The following PCDHA4 variants were observed in gnomAD, a reference collection of about 807,000 sequenced individuals.
PCDHA4 encodes protocadherin alpha-4.
A neutral mutation model predicts 61.4 loss-of-function variants in PCDHA4; 49 were observed. That is an observed-to-expected ratio of 0.80 (90% CI 0.63 to 1.01). PCDHA4 has a LOEUF of 1.01. Ranked by LOEUF, PCDHA4 falls within the 50% of genes least tolerant of loss-of-function variation. The pLI, the probability that PCDHA4 is intolerant of heterozygous loss-of-function variation, is 0.00. For synonymous variants in PCDHA4, 590 were observed against 550.3 expected, an observed-to-expected ratio of 1.07 and a Z score of -1.01; for missense variants, 1,254 against 1,235.8, an observed-to-expected ratio of 1.01 and a Z score of -0.22.
At chr5:140,863,208 C>A in intron 1 of PCDHA4, 2 of 990,672 alleles carry the variant, frequency 2.0e-6, no homozygotes, top group Non-Finnish European at 3.1e-6. Flanking sequence ...TGGCGGAGAG[C>A]AGCCAAGCGA....
At chr5:140,887,692 A>G (rs886236141) in intron 1 of PCDHA4, among the ~76,000 whole-genome samples, 1 of 152,126 alleles carries the variant, frequency 6.6e-6, no homozygotes, top group Non-Finnish European at 1.5e-5. Flanking sequence ...ATTCAGGAAA[A>G]AATCAACCAT....
chr5:140,949,537 C>T (rs1359504503), intron 1 of PCDHA4, among the ~76,000 whole-genome samples: 4 of 151,692 alleles, frequency 2.6e-5, no homozygotes, highest in African/African-American at 7.3e-5. Context: ...CATAAAATAT[C>T]GATTTGTTGC....
At chr5:140,896,661 G>A (rs553525837) in intron 1 of PCDHA4, among the ~76,000 whole-genome samples, 1 of 152,220 alleles carries the variant, frequency 6.6e-6, no homozygotes. Context: ...ACAGGCATGA[G>A]TCACTGTGCC....
chr5:140,828,508 A>G (rs2150156206), intron 1 of PCDHA4: 4 of 1,614,216 alleles, frequency 2.5e-6, no homozygotes, highest in Non-Finnish European at 3.4e-6. Flanking sequence ...AGGAACAAAG[A>G]GTGCTGATTT....
chr5:140,876,029 A>C, intron 1 of PCDHA4: 1 of 1,613,700 alleles, frequency 6.2e-7, no homozygotes, highest in Non-Finnish European at 8.5e-7. Context: ...AAAACAAAAA[A>C]AGATAAAAGT....
At chr5:140,850,520 G>T (rs782515896) in intron 1 of PCDHA4, 3 of 1,598,186 alleles carry the variant, frequency 1.9e-6, no homozygotes, top group South Asian at 1.1e-5. Context: ...GCGGCCAGGC[G>T]CCAAAGTCAT....
chr5:140,944,097 A>G lies in PCDHA4; in HGVS notation c.2386-34852A>G, dbSNP rs2093609741. On this transcript the variant is annotated intron_variant, in intron 1 of 3. Coordinates refer to ENST00000530339, the MANE Select transcript of PCDHA4 (RefSeq NM_018907.4). ...ATAAAGGAGGCCTGAGTAAGTTTAT[A>G]TCTCATGGGAAAATGGTACCAGAGA... is the stretch of plus-strand genomic sequence containing the variant. Among the ~76,000 whole-genome samples, 3 of 152,244 alleles carry G rather than the reference A, an allele frequency of 2.0e-5. No individual in the cohort carries two copies. In the South Asian group the frequency reaches 6.2e-4, roughly 31 times the overall value.
rs782647258 is a variant in PCDHA4 at position 140,869,948 on chromosome 5, T to A, written c.2385+60376T>A. The A allele has an allele frequency of 3.7e-6, 6 of 1,612,586 alleles. No individual in the cohort carries two copies. The South Asian group carries it at 5.5e-5, about 15-fold the overall frequency. ...AATGGAGAGGTAACATACTCCTTAA[T>A]GTCAATTAAGCCCAATGGAAGACAC... On this transcript the variant is annotated intron_variant, in intron 1 of 3. Coordinates refer to ENST00000530339, the MANE Select transcript of PCDHA4 (RefSeq NM_018907.4).
intron 1 of PCDHA4, chr5:140,810,885 C>T (rs1282140445): frequency 2.6e-5 from 4 of 152,064 alleles, no homozygotes; most frequent in African/African-American, 9.7e-5. Flanking sequence ...GATCCTATTT[C>T]ACAAAGATAA....
At chr5:140,850,426 G>A (rs2150483795) in intron 1 of PCDHA4, 1 of 1,597,836 alleles carries the variant, frequency 6.3e-7, no homozygotes, top group Non-Finnish European at 8.6e-7. Flanking sequence ...GACGCACCGC[G>A]CCAGCGCCTA....
rs782716439 is a variant in PCDHA4, at chr5:140,858,074, A to C, written c.2385+48502A>C. The stretch of plus-strand genomic sequence containing the variant: ...GCTTGTGGAGGGCAGCCAGGCACCC[A>C]AGGCCTCGTCGCGGGCTTCAGTGGG... On this transcript the variant is annotated intron_variant, in intron 1 of 3. Coordinates refer to ENST00000530339, the MANE Select transcript of PCDHA4 (RefSeq NM_018907.4). 3 of 1,597,526 alleles carry C rather than the reference A, an allele frequency of 1.9e-6. No homozygotes were observed. The African/African-American group carries it at 4.0e-5, about 21-fold the overall frequency.
intron 1 of PCDHA4, chr5:140,866,443 C>T (rs974368547): frequency 2.0e-5 from 3 of 151,700 alleles, no homozygotes; most frequent in Non-Finnish European, 2.9e-5. Flanking sequence ...CTTCTTCAGT[C>T]TTATTGTTGG....
intron 1 of PCDHA4, among the ~76,000 whole-genome samples, chr5:140,898,963 G>A (rs1411271866): frequency 6.6e-6 from 1 of 152,070 alleles, no homozygotes; most frequent in Non-Finnish European, 1.5e-5. Context: ...TTGTGAATGG[G>A]AGTTCACTCA....
intron 1 of PCDHA4, chr5:140,828,638 A>G: frequency 6.2e-7 from 1 of 1,614,228 alleles, no homozygotes; most frequent in Non-Finnish European, 8.5e-7. Flanking sequence ...GCTAGATGTG[A>G]AAATAAACAG....
chr5:140,962,008 C>T (rs1363169601), intron 1 of PCDHA4, among the ~76,000 whole-genome samples: 5 of 152,088 alleles, frequency 3.3e-5, no homozygotes, highest in South Asian at 2.1e-4. Context: ...CTCAGCTTCC[C>T]GAGTAGCTGG....
intron 1 of PCDHA4, among the ~76,000 whole-genome samples, chr5:140,937,317 G>A (rs1282380622): frequency 1.3e-5 from 2 of 152,048 alleles, no homozygotes; most frequent in Non-Finnish European, 2.9e-5. Context: ...GATTACAGGC[G>A]TGAGCCACCG....
chr5:140,836,550 T>G, intron 1 of PCDHA4: 1 of 1,613,712 alleles, frequency 6.2e-7, no homozygotes, highest in Non-Finnish European at 8.5e-7. Context: ...GGCGTTGCGG[T>G]GCTCAGCGCC....
chr5:140,820,798 G>A (rs1766832615), intron 1 of PCDHA4, among the ~76,000 whole-genome samples: 1 of 152,036 alleles, frequency 6.6e-6, no homozygotes, highest in Admixed American at 6.5e-5. Flanking sequence ...ACAAAGGTAT[G>A]TATTTTACAA....
rs1554140287 is a variant in PCDHA4 at position 140,843,629 on chromosome 5, A to T, written c.2385+34057A>T. ...TGAGGGGCCACCGAAGACGGACCTC[A>T]TGGCCTTCAGCCCCTGCCTTCCTCC... is the stretch of plus-strand genomic sequence containing the variant. On this transcript the variant is annotated intron_variant, in intron 1 of 3. Transcript: ENST00000530339. 3.1e-6 allele frequency: 5 copies of T among 1,595,972 alleles called. No homozygotes were observed. The East Asian group carries it at 8.9e-5, about 28-fold the overall frequency.
Sources: allele counts gnomAD v4.1 joint callset (sites outside exome capture counted in the v4.1 genomes callset), GRCh38; gene constraint gnomAD v4.1.1; transcripts MANE v1.5; gene names NCBI Gene and HGNC (gene_info 2026-07-23, HGNC 2026-07-21).